Variants in MTFR1 observed in about 807,000 individuals in gnomAD.
MTFR1 encodes the protein chondrocyte protein with a poly-proline region.
MTFR1 carries 28 observed loss-of-function variants against 38.8 expected under a neutral mutation model. That is an observed-to-expected ratio of 0.72 (90% CI 0.53 to 0.99). The LOEUF (loss-of-function observed/expected upper bound fraction) is 0.99, where lower values mean the gene tolerates loss of function less well. Ranked by LOEUF, MTFR1 falls within the 50% of genes least tolerant of loss-of-function variation. The pLI, the probability that MTFR1 is intolerant of heterozygous loss-of-function variation, is 0.00. For missense variants in MTFR1, 358 were observed against 395.5 expected (o/e 0.91, Z 0.81); for synonymous variants, 145 against 137.0 (o/e 1.06, Z -0.41).
At chr8:65,733,336 T>G (rs185948522) in intron 3 of MTFR1, among the ~76,000 whole-genome samples, 6 of 152,320 alleles carry the variant, frequency 3.9e-5, no homozygotes, top group Admixed American at 2.6e-4. Context: ...AACCCTTTTG[T>G]GTGCTGCAGA....
chr8:65,695,681 CAG>C (rs927820430), intron 4 of MTFR1, among the ~76,000 whole-genome samples: 3 of 152,236 alleles, frequency 2.0e-5, no homozygotes, highest in Admixed American at 6.5e-5. Flanking sequence ...TATAGGAAAA[CAG>C]ATTGTTTTGG....
downstream of MTFR1, among the ~76,000 whole-genome samples, chr8:65,775,112 C>A (rs937297130): frequency 6.6e-6 from 1 of 152,084 alleles, no homozygotes; most frequent in Admixed American, 6.6e-5. Flanking sequence ...CATTTCGATT[C>A]TTATATTTTC....
At chr8:65,756,640 T>A (rs986536682) in intron 3 of MTFR1, among the ~76,000 whole-genome samples, 1 of 152,200 alleles carries the variant, frequency 6.6e-6, no homozygotes, top group African/African-American at 2.4e-5. Flanking sequence ...TTGTACATTG[T>A]TTTCCTTATT....
intron 3 of MTFR1, chr8:65,727,385 A>G: frequency 6.4e-7 from 1 of 1,559,172 alleles, no homozygotes; most frequent in East Asian, 2.3e-5. Flanking sequence ...ATTAGCAGCC[A>G]ATGGTAGTGG....
intron 3 of MTFR1, among the ~76,000 whole-genome samples, chr8:65,740,248 T>C (rs1465335634): frequency 6.6e-6 from 1 of 152,124 alleles, no homozygotes; most frequent in Non-Finnish European, 1.5e-5. Flanking sequence ...AGCAATCATA[T>C]TGTCTTTCCA....
intron 1 of MTFR1, among the ~76,000 whole-genome samples, chr8:65,646,647 C>G (rs1042075769): frequency 6.6e-6 from 1 of 151,990 alleles, no homozygotes; most frequent in Admixed American, 6.6e-5. Flanking sequence ...GCAAGAGGAC[C>G]CCTTGAGACC....
chr8:65,675,591 C>T (rs567011845), intron 2 of MTFR1, among the ~76,000 whole-genome samples: 6 of 152,234 alleles, frequency 3.9e-5, no homozygotes, highest in Admixed American at 1.3e-4. Context: ...AGCAAGACTC[C>T]GTCTCAAAAA....
At chr8:65,734,915 C>A in intron 3 of MTFR1, 1 of 1,464,964 alleles carries the variant, frequency 6.8e-7, no homozygotes. Flanking sequence ...GAAAGAGATC[C>A]CGATTTTATT....
chr8:65,776,348 AT>A, the MTFR1 span, among the ~76,000 whole-genome samples: 1 of 152,110 alleles, frequency 6.6e-6, no homozygotes, highest in Non-Finnish European at 1.5e-5. Context: ...CCTTGACTTA[AT>A]TATTATTGTT....
intron 3 of MTFR1, among the ~76,000 whole-genome samples, chr8:65,761,694 G>C (rs1165629528): frequency 6.6e-6 from 1 of 152,202 alleles, no homozygotes; most frequent in Non-Finnish European, 1.5e-5. Context: ...CTGTGACTTA[G>C]TGATCACGGG....
At chr8:65,707,538 A>G (rs1167789628) in intron 6 of MTFR1, among the ~76,000 whole-genome samples, 2 of 152,202 alleles carry the variant, frequency 1.3e-5, no homozygotes, top group Admixed American at 1.3e-4. Context: ...CTAATTCAAT[A>G]AAGGCGTGCT....
At chr8:65,689,653 C>T (rs1018609416) in intron 3 of MTFR1, 10 of 1,177,112 alleles carry the variant, frequency 8.5e-6, no homozygotes, top group East Asian at 5.8e-5. Context: ...GTGTCTAAAT[C>T]GTATTTCCAA....
intron 3 of MTFR1, among the ~76,000 whole-genome samples, chr8:65,754,495 G>A (rs1372688369): frequency 3.3e-5 from 5 of 151,408 alleles, no homozygotes; most frequent in African/African-American, 1.2e-4. Flanking sequence ...CCACCACCAT[G>A]CCCAACTAAT....
At chr8:65,715,395 TGA>T (rs1225064865), downstream of MTFR1, among the ~76,000 whole-genome samples, 2 of 150,418 alleles carry the variant, frequency 1.3e-5, no homozygotes, top group Admixed American at 6.6e-5. Flanking sequence ...TTTTTTTTTT[TGA>T]GACAGAGTCT....
chr8:65,670,902 C>T (rs1195462729), intron 2 of MTFR1, among the ~76,000 whole-genome samples: 1 of 152,124 alleles, frequency 6.6e-6, no homozygotes, highest in Non-Finnish European at 1.5e-5. Flanking sequence ...GATGGGGTTC[C>T]ACTATGTTGG....
At chr8:65,711,737 A>G (rs975957562), downstream of MTFR1, among the ~76,000 whole-genome samples, 4 of 152,204 alleles carry the variant, frequency 2.6e-5, no homozygotes, top group African/African-American at 4.8e-5. Context: ...GTAAGGATCT[A>G]TAACTTTTGC....
At chr8:65,673,031 G>A (rs1804605385) in intron 2 of MTFR1, among the ~76,000 whole-genome samples, 1 of 152,088 alleles carries the variant, frequency 6.6e-6, no homozygotes, top group African/African-American at 2.4e-5. Context: ...TCACAACTTG[G>A]CTAACTATTT....
chr8:65,720,787 T>C (rs957754010), intron 3 of MTFR1, among the ~76,000 whole-genome samples: 6 of 152,218 alleles, frequency 3.9e-5, no homozygotes, highest in African/African-American at 1.4e-4. Context: ...AGTGTCATTA[T>C]AGTCAAAGCA....
intron 4 of MTFR1, among the ~76,000 whole-genome samples, chr8:65,703,411 T>G (rs1293099159): frequency 6.8e-6 from 1 of 146,294 alleles, no homozygotes; most frequent in Non-Finnish European, 1.5e-5. Context: ...CCATGCTTGA[T>G]GTCTCTGGTT....
Sources: allele counts gnomAD v4.1 joint callset (sites outside exome capture counted in the v4.1 genomes callset), GRCh38; gene constraint gnomAD v4.1.1; transcripts MANE v1.5; gene names NCBI Gene and HGNC (gene_info 2026-07-23, HGNC 2026-07-21).